Variants in FHIT observed in about 807,000 individuals in gnomAD.
The protein encoded by FHIT is bis(5'-adenosyl)-triphosphatase.
In FHIT, 19 loss-of-function variants were observed where a neutral mutation model predicts 17.9. That is an observed-to-expected ratio of 1.06 (90% CI 0.74 to 1.56). The LOEUF is 1.56. Ranked by LOEUF, FHIT falls within the 40% of genes most tolerant of loss-of-function variation. FHIT has a pLI of 0.00. For synonymous variants in FHIT, 81 were observed against 69.7 expected, an observed-to-expected ratio of 1.16 and a Z score of -0.81; for missense variants, 248 against 189.2, an observed-to-expected ratio of 1.31 and a Z score of -1.82.
chr3:60,859,718 A>C (rs1468460289), intron 3 of FHIT, among the ~76,000 whole-genome samples: 1 of 114,218 alleles, frequency 8.8e-6, no homozygotes. Flanking sequence ...TGGATTCTGA[A>C]TACGATTTTT....
chr3:59,893,528 G>A (rs1481692700), intron 8 of FHIT, among the ~76,000 whole-genome samples: 1 of 152,196 alleles, frequency 6.6e-6, no homozygotes, highest in Non-Finnish European at 1.5e-5. Context: ...TGTCCCCAAG[G>A]GTGAAAGTCT....
chr3:60,904,479 G>T (rs1443334183), intron 3 of FHIT, among the ~76,000 whole-genome samples: 9 of 62,324 alleles, frequency 1.4e-4, no homozygotes, highest in South Asian at 7.8e-4. Flanking sequence ...AAATCCAAAT[G>T]CAAAAAAAAA....
At chr3:60,225,418 G>A (rs768399395) in intron 5 of FHIT, among the ~76,000 whole-genome samples, 11 of 152,196 alleles carry the variant, frequency 7.2e-5, no homozygotes, top group Admixed American at 2.0e-4. Flanking sequence ...CAGAGTATCT[G>A]TACCTGGAGA....
intron 3 of FHIT, among the ~76,000 whole-genome samples, chr3:60,833,728 C>G (rs1702417251): frequency 6.6e-6 from 1 of 152,186 alleles, no homozygotes. Context: ...ATGACACATT[C>G]AAAACACAGA....
intron 1 of FHIT, among the ~76,000 whole-genome samples, chr3:61,219,966 C>T (rs982863129): frequency 6.6e-6 from 1 of 152,208 alleles, no homozygotes; most frequent in Non-Finnish European, 1.5e-5. Flanking sequence ...CTTAAGGCAA[C>T]ATTACCTGGA....
chr3:60,998,231 T>A (rs1330749847), intron 3 of FHIT, among the ~76,000 whole-genome samples: 1 of 152,198 alleles, frequency 6.6e-6, no homozygotes, highest in Admixed American at 6.6e-5. Flanking sequence ...AAGGATATAC[T>A]CTGGATAGAG....
At chr3:59,818,052 A>G (rs1017359370) in intron 8 of FHIT, among the ~76,000 whole-genome samples, 1 of 152,104 alleles carries the variant, frequency 6.6e-6, no homozygotes, top group Non-Finnish European at 1.5e-5. Flanking sequence ...AATTTGCAAT[A>G]GAAGAGGAGG....
chr3:61,213,507 A>T (rs973074710), intron 1 of FHIT, among the ~76,000 whole-genome samples: 2 of 152,220 alleles, frequency 1.3e-5, no homozygotes, highest in Non-Finnish European at 2.9e-5. Flanking sequence ...TTCATAAAGC[A>T]AGTCCTGAGT....
chr3:60,501,035 A>T (rs1342069979), intron 5 of FHIT, among the ~76,000 whole-genome samples: 3 of 151,882 alleles, frequency 2.0e-5, no homozygotes, highest in Admixed American at 2.0e-4. Context: ...ACCTAATAGC[A>T]AGTAACAGTC....
chr3:60,823,755 G>A (rs782445590), intron 3 of FHIT, among the ~76,000 whole-genome samples: 4 of 152,170 alleles, frequency 2.6e-5, no homozygotes, highest in Non-Finnish European at 4.4e-5. Flanking sequence ...AATCAATACA[G>A]TGTGTTTGGG....
At chr3:60,634,153 G>A (rs918539655) in intron 4 of FHIT, among the ~76,000 whole-genome samples, 1 of 152,078 alleles carries the variant, frequency 6.6e-6, no homozygotes, top group African/African-American at 2.4e-5. Context: ...CTGTAAAATG[G>A]GTGAAAGCCA....
intron 3 of FHIT, among the ~76,000 whole-genome samples, chr3:60,895,997 G>C (rs889685020): frequency 6.6e-5 from 10 of 151,890 alleles, no homozygotes; most frequent in African/African-American, 2.4e-4. Context: ...TGCACACTAG[G>C]AGGTGAGCAG....
At chr3:61,164,378 G>A in intron 2 of FHIT, among the ~76,000 whole-genome samples, 1 of 152,150 alleles carries the variant, frequency 6.6e-6, no homozygotes, top group East Asian at 1.9e-4. Context: ...CAGACCTACT[G>A]ATGAAATCAG....
chr3:60,133,890 C>A (rs990453799), intron 5 of FHIT, among the ~76,000 whole-genome samples: 1 of 149,894 alleles, frequency 6.7e-6, no homozygotes, highest in Non-Finnish European at 1.5e-5. Flanking sequence ...TTCCCCTTCC[C>A]TTGAAAAAAA....
chr3:60,603,742 C>T (rs1012684227), intron 4 of FHIT, among the ~76,000 whole-genome samples: 1 of 152,068 alleles, frequency 6.6e-6, no homozygotes, highest in Non-Finnish European at 1.5e-5. Flanking sequence ...TATCCACCCT[C>T]ATTGCAAAGT....
chr3:61,098,710 C>T (rs771162720), intron 2 of FHIT, among the ~76,000 whole-genome samples: 11 of 152,078 alleles, frequency 7.2e-5, no homozygotes, highest in South Asian at 4.1e-4. Context: ...TCTTCTGTGG[C>T]AATTATGAAT....
intron 5 of FHIT, among the ~76,000 whole-genome samples, chr3:60,497,338 T>C (rs958360055): frequency 6.6e-6 from 1 of 152,194 alleles, no homozygotes; most frequent in Non-Finnish European, 1.5e-5. Context: ...ATCTGAAGCA[T>C]GTATGAAAAT....
intron 4 of FHIT, among the ~76,000 whole-genome samples, chr3:60,764,491 A>T (rs1300096882): frequency 6.6e-6 from 1 of 152,132 alleles, no homozygotes; most frequent in Non-Finnish European, 1.5e-5. Context: ...TTTGACATTC[A>T]CTGCTATTAA....
chr3:59,972,519 G>T (rs929268537), intron 7 of FHIT, among the ~76,000 whole-genome samples: 17 of 152,060 alleles, frequency 1.1e-4, no homozygotes, highest in African/African-American at 3.9e-4. Context: ...ACCTCTGAGG[G>T]TGCCTATTCT....
Sources: allele counts gnomAD v4.1 joint callset (sites outside exome capture counted in the v4.1 genomes callset), GRCh38; gene constraint gnomAD v4.1.1; transcripts MANE v1.5; gene names NCBI Gene and HGNC (gene_info 2026-07-23, HGNC 2026-07-21).